Variants in CSMD1 observed in about 807,000 individuals in gnomAD.
CSMD1 encodes CUB and Sushi multiple domains 1.
Under a neutral mutation model 417.5 loss-of-function variants are expected in CSMD1, and 213 were observed. That is an observed-to-expected ratio of 0.51 (90% CI 0.46 to 0.57). CSMD1 has a LOEUF of 0.57. Ranked by LOEUF, CSMD1 falls within the 20% of genes least tolerant of loss-of-function variation. The pLI is 0.00. For missense variants in CSMD1, 6,923 were observed against 4,529.7 expected, an observed-to-expected ratio of 1.53 and a Z score of -15.17; for synonymous variants, 2,862 against 1,736.8, an observed-to-expected ratio of 1.65 and a Z score of -16.11.
intron 31 of CSMD1, among the ~76,000 whole-genome samples, chr8:3,203,406 A>G (rs1231699696): frequency 7.2e-5 from 11 of 152,212 alleles, no homozygotes; most frequent in African/African-American, 1.7e-4. Flanking sequence ...GGAAATCATG[A>G]GAATGTGATG....
chr8:3,903,172 G>C (rs537923418), intron 5 of CSMD1, among the ~76,000 whole-genome samples: 4 of 152,074 alleles, frequency 2.6e-5, no homozygotes, highest in Admixed American at 6.6e-5. Flanking sequence ...TTTAGCGATT[G>C]AGTATTAAGT....
chr8:4,052,365 C>A (rs1162662035), intron 3 of CSMD1, among the ~76,000 whole-genome samples: 1 of 152,134 alleles, frequency 6.6e-6, no homozygotes, highest in Non-Finnish European at 1.5e-5. Flanking sequence ...CACGTGTATG[C>A]TATTTTCATA....
intron 11 of CSMD1, among the ~76,000 whole-genome samples, chr8:3,481,930 T>C (rs1221666300): frequency 1.3e-5 from 2 of 152,192 alleles, no homozygotes; most frequent in African/African-American, 4.8e-5. Context: ...ACCAAGTTTG[T>C]GGAATATTCT....
intron 3 of CSMD1, among the ~76,000 whole-genome samples, chr8:4,309,681 AT>A (rs1057509262): frequency 2.0e-5 from 3 of 152,044 alleles, no homozygotes; most frequent in Admixed American, 6.6e-5. Context: ...CACCTTACAC[AT>A]TTTTTTAGAT....
At chr8:3,309,669 C>T (rs61306778) in intron 23 of CSMD1, among the ~76,000 whole-genome samples, 2,868 of 152,252 alleles carry the variant, frequency 0.019, 92 homozygotes, top group African/African-American at 0.065. Flanking sequence ...CTCTTTCCTT[C>T]TATTTCCACC....
intron 5 of CSMD1, among the ~76,000 whole-genome samples, chr8:3,886,992 A>G (rs1210164026): frequency 6.6e-6 from 1 of 152,170 alleles, no homozygotes; most frequent in East Asian, 1.9e-4. Context: ...TTAGAGAAGC[A>G]TTGATCACCT....
At chr8:4,680,446 G>A (rs1183798705) in intron 1 of CSMD1, among the ~76,000 whole-genome samples, 2 of 152,138 alleles carry the variant, frequency 1.3e-5, no homozygotes, top group African/African-American at 2.4e-5. Flanking sequence ...GACGTACCAT[G>A]TTCTCATCAT....
intron 20 of CSMD1, among the ~76,000 whole-genome samples, chr8:3,363,432 G>T (rs1038297053): frequency 1.3e-5 from 2 of 152,158 alleles, no homozygotes; most frequent in Non-Finnish European, 2.9e-5. Flanking sequence ...TCTGCCTAGG[G>T]AAAAGAAGAA....
chr8:4,597,507 A>G (rs1478595883), intron 2 of CSMD1, among the ~76,000 whole-genome samples: 2 of 152,126 alleles, frequency 1.3e-5, no homozygotes, highest in South Asian at 2.1e-4. Flanking sequence ...AATATACTTG[A>G]CCAGTTACTC....
intron 5 of CSMD1, among the ~76,000 whole-genome samples, chr8:3,847,127 G>T (rs556494991): frequency 6.6e-6 from 1 of 152,110 alleles, no homozygotes; most frequent in African/African-American, 2.4e-5. Context: ...TCCTCCTCTT[G>T]CAAGTGGGCA....
Position 3,201,658 on chromosome 8 carries a change from G to C in CSMD1, c.5052C>G (p.Thr1684=), listed in dbSNP as rs370545458. The change falls in exon 32 of 70, where the codon ACC becomes ACG. Residue 1684 remains threonine (T), a synonymous_variant. Transcript: ENST00000635120. ...AGCTGAGAAGTCTGGCCTGTGCATGGGTTCCATCAAATAATTCTGCCAAAT... is the reference window on the plus strand; with the variant it reads ...AGCTGAGAAGTCTGGCCTGTGCATGCGTTCCATCAAATAATTCTGCCAAAT... ...LNDLAELFDG[T]HAQARLLSSL... 1 of 1,606,636 alleles carries C rather than the reference G, an allele frequency of 6.2e-7. No homozygotes were observed. The highest frequency in any genetic ancestry group is 1.7e-5 in the Admixed American group (1 of 59,212).
intron 3 of CSMD1, among the ~76,000 whole-genome samples, chr8:4,099,224 C>T (rs922881696): frequency 6.7e-6 from 1 of 150,224 alleles, no homozygotes; most frequent in Non-Finnish European, 1.5e-5. Flanking sequence ...ACACACACAC[C>T]ATTTCTAATT....
At chr8:4,714,736 T>C (rs112518357) in intron 1 of CSMD1, among the ~76,000 whole-genome samples, 1 of 152,348 alleles carries the variant, frequency 6.6e-6, no homozygotes, top group Non-Finnish European at 1.5e-5. Flanking sequence ...GTAGAAATTA[T>C]GCCACTTAAA....
At chr8:4,968,695 T>G (rs1230255433) in intron 1 of CSMD1, among the ~76,000 whole-genome samples, 2 of 152,182 alleles carry the variant, frequency 1.3e-5, no homozygotes, top group African/African-American at 4.8e-5. Flanking sequence ...TTTCAAATAC[T>G]AACCTCTACC....
rs1466842765 is a variant in CSMD1 at position 4,305,237 on chromosome 8, T to A, written c.415+114716A>T. ...AGAAGGATGAAGTGCCAGCAAACTT[T>A]GAGGCTTAGCTAAATCGGCCATTTC... On this transcript the variant is annotated intron_variant, in intron 3 of 69. Transcript: ENST00000635120. 2.0e-5 allele frequency among the ~76,000 whole-genome samples: 3 copies of A among 152,312 alleles called. No individual in the cohort carries two copies. In the South Asian group the frequency reaches 6.2e-4, roughly 32 times the overall value.
intron 3 of CSMD1, among the ~76,000 whole-genome samples, chr8:4,128,323 T>A (rs1468509171): frequency 6.6e-6 from 1 of 152,136 alleles, no homozygotes. Flanking sequence ...AGGGTCAGTT[T>A]TTAATGAGGA....
At position 4,261,019 on chromosome 8, in the gene CSMD1, C is replaced by A. The variant is rs1030760831; in HGVS notation, c.415+158934G>T. Among the ~76,000 whole-genome samples, 4 of 152,150 alleles carry A rather than the reference C, an allele frequency of 2.6e-5. No individual in the cohort carries two copies. In the East Asian group the frequency reaches 5.8e-4, roughly 22 times the overall value. On this transcript the variant is annotated intron_variant, in intron 3 of 69. Coordinates refer to ENST00000635120, the MANE Select transcript of CSMD1 (RefSeq NM_033225.6). ...CATTCAATTAAAATACAAAGTTCAA[C>A]GTAGACATCACTTACTATGCTTTAA...
In CSMD1 at chr8:3,427,648, AATG is replaced by A. The variant is rs569336727; in HGVS notation, c.1562-18046_1562-18044del. On this transcript the variant is annotated intron_variant, in intron 12 of 69. Coordinates refer to ENST00000635120, the MANE Select transcript of CSMD1 (RefSeq NM_033225.6). ...GTTCATAGAGTGATCCCACAAAAAT[AATG>A]ATATTTATTAAACTTCTGTTAACTC... Among the ~76,000 whole-genome samples, 62 of 152,340 alleles carry A rather than the reference AATG, an allele frequency of 4.1e-4. No individual in the cohort carries two copies. In the East Asian group the frequency reaches 5.6e-3, roughly 14 times the overall value.
At chr8:4,594,892 G>T (rs374748280) in intron 2 of CSMD1, among the ~76,000 whole-genome samples, 45 of 152,210 alleles carry the variant, frequency 3.0e-4, no homozygotes, top group Middle Eastern at 6.8e-3. Context: ...CTCTGTAAAA[G>T]GAATGTGGAT....
Sources: allele counts gnomAD v4.1 joint callset (sites outside exome capture counted in the v4.1 genomes callset), GRCh38; gene constraint gnomAD v4.1.1; transcripts MANE v1.5; gene names NCBI Gene and HGNC (gene_info 2026-07-23, HGNC 2026-07-21).